SLC23A2: variants seen among roughly 807,000 people sequenced by gnomAD.
SLC23A2 encodes solute carrier family 23 member 2.
Under a neutral mutation model 73.3 loss-of-function variants are expected in SLC23A2, and 36 were observed. That is an observed-to-expected ratio of 0.49 (90% CI 0.38 to 0.65). SLC23A2 has a LOEUF of 0.65. SLC23A2 is among the 30% of genes least tolerant of loss of function. The pLI, the probability that SLC23A2 is intolerant of heterozygous loss-of-function variation, is 0.00. For missense variants in SLC23A2, 507 were observed against 841.6 expected (o/e 0.60, Z 4.92); for synonymous variants, 343 against 327.3 (o/e 1.05, Z -0.52).
intron 6 of SLC23A2, among the ~76,000 whole-genome samples, chr20:4,887,901 A>C (rs1437577380): frequency 6.6e-6 from 1 of 152,236 alleles, no homozygotes; most frequent in African/African-American, 2.4e-5. Context: ...ACGTTAAACG[A>C]GAGCTTCCCT....
intron 6 of SLC23A2, among the ~76,000 whole-genome samples, chr20:4,895,127 G>T (rs1163114658): frequency 6.6e-6 from 1 of 152,228 alleles, no homozygotes; most frequent in Non-Finnish European, 1.5e-5. Context: ...CTTCGGAGCT[G>T]GAGAAGTCTG....
Position 4,998,062 on chromosome 20 carries a change from C to T in SLC23A2, c.-282+3344G>A, listed in dbSNP as rs1025596800. 3.9e-5 allele frequency among the ~76,000 whole-genome samples: 6 copies of T among 152,156 alleles called. No individual in the cohort carries two copies. The highest frequency in any genetic ancestry group is 2.1e-4 in the South Asian group (1 of 4,822). On this transcript the variant is annotated intron_variant, in intron 1 of 16. Transcript: ENST00000338244. This position sits in a 1 kb window ranked among gnomAD's most constrained non-coding sequence, Gnocchi z 4.1. ...GGACTTCCCAGACTCCAGAATTATA[C>T]GAAACAAATTTCCGTTGTTTAAGCC...
At chr20:4,933,134 A>G (rs972832827) in intron 2 of SLC23A2, among the ~76,000 whole-genome samples, 2 of 152,208 alleles carry the variant, frequency 1.3e-5, no homozygotes, top group African/African-American at 2.4e-5. Flanking sequence ...GCAAATGAGT[A>G]ACTGAATTTT....
intron 1 of SLC23A2, among the ~76,000 whole-genome samples, chr20:4,972,581 TTTG>T (rs936927470): frequency 9.2e-5 from 14 of 152,048 alleles, no homozygotes; most frequent in South Asian, 6.2e-4. Context: ...TTGGGGTTTT[TTTG>T]TTGTTGTTGT....
intron 1 of SLC23A2, among the ~76,000 whole-genome samples, chr20:4,990,781 A>G (rs1022551504): frequency 1.1e-4 from 16 of 151,348 alleles, no homozygotes; most frequent in Non-Finnish European, 1.8e-4. Flanking sequence ...TCAAGAGTTC[A>G]AGACCAGCCT....
At chr20:4,919,076 T>C (rs746198201) in intron 3 of SLC23A2, among the ~76,000 whole-genome samples, 4 of 152,204 alleles carry the variant, frequency 2.6e-5, no homozygotes, top group African/African-American at 9.6e-5. Flanking sequence ...CTTTCAATAT[T>C]ATTAGAAATT....
intron 4 of SLC23A2, among the ~76,000 whole-genome samples, chr20:4,907,276 T>C (rs570704805): frequency 1.3e-5 from 2 of 151,980 alleles, no homozygotes; most frequent in Non-Finnish European, 2.9e-5. Context: ...AAAGACAAGA[T>C]AGTGACATCT....
At chr20:4,916,552 T>TA (rs1448527136) in intron 3 of SLC23A2, among the ~76,000 whole-genome samples, 5 of 152,128 alleles carry the variant, frequency 3.3e-5, no homozygotes, top group East Asian at 3.9e-4. Context: ...CTCGATACAT[T>TA]AAAAAAAATC....
In SLC23A2 at chr20:4,884,707, A is replaced by G. The variant is rs1211307987; in HGVS notation, c.642+46T>C. ...CTTGGGTCAACCAACATTGAAGCTG[A>G]GAAGAAACATGAAGAAGCCAAAAGC... On this transcript the variant is annotated intron_variant, in intron 8 of 16. Coordinates refer to ENST00000338244, the MANE Select transcript of SLC23A2 (RefSeq NM_005116.6). 6 of 1,336,792 alleles carry G rather than the reference A, an allele frequency of 4.5e-6. No homozygotes were observed. The Admixed American group carries it at 1.0e-4, about 22-fold the overall frequency. The allele number at this position is 1,336,792 out of a possible 1,614,324, so 82.8% of individuals were successfully genotyped here.
At chr20:4,908,792 G>A (rs1212026478) in intron 4 of SLC23A2, among the ~76,000 whole-genome samples, 3 of 152,204 alleles carry the variant, frequency 2.0e-5, no homozygotes, top group African/African-American at 7.2e-5. Context: ...GCCAGGTGTG[G>A]TGGTGCACGC....
intron 7 of SLC23A2, among the ~76,000 whole-genome samples, 199 bp from the exon 8 acceptor site, chr20:4,885,022 A>G (rs1931041303): frequency 6.6e-6 from 1 of 152,234 alleles, no homozygotes; most frequent in Admixed American, 6.5e-5. Flanking sequence ...AAATGAATTC[A>G]TCGACTAAGA....
chr20:4,962,762 G>T (rs919239316), intron 2 of SLC23A2, among the ~76,000 whole-genome samples: 37 of 105,556 alleles, frequency 3.5e-4, no homozygotes, highest in African/African-American at 1.2e-3. Flanking sequence ...ACTTTGGGAG[G>T]TCGAGGCAAT....
intron 1 of SLC23A2, among the ~76,000 whole-genome samples, chr20:4,987,111 C>T (rs1272396051): frequency 2.0e-5 from 3 of 152,116 alleles, no homozygotes; most frequent in Non-Finnish European, 4.4e-5. Flanking sequence ...CCCAAACTCA[C>T]ACTAGGGGTC....
At chr20:4,972,393 T>C (rs1242830328) in intron 1 of SLC23A2, among the ~76,000 whole-genome samples, 1 of 151,608 alleles carries the variant, frequency 6.6e-6, no homozygotes, top group Admixed American at 6.6e-5. Flanking sequence ...ACTGGTCTTG[T>C]GCTATTTGGG....
At chr20:4,926,794 T>C (rs1306624051) in intron 3 of SLC23A2, among the ~76,000 whole-genome samples, 1 of 152,112 alleles carries the variant, frequency 6.6e-6, no homozygotes, top group Non-Finnish European at 1.5e-5. Flanking sequence ...GTAAAATGTT[T>C]GTGTGGGTGT....
At chr20:4,955,614 C>T (rs548846742) in intron 2 of SLC23A2, among the ~76,000 whole-genome samples, 11 of 151,954 alleles carry the variant, frequency 7.2e-5, no homozygotes, top group African/African-American at 2.7e-4. Flanking sequence ...CATAGTGAAG[C>T]CCTGTCTCTA....
At chr20:4,867,057 T>TAA (rs71197732) in intron 13 of SLC23A2, among the ~76,000 whole-genome samples, 12,698 of 76,416 alleles carry the variant, frequency 0.17, 1,901 homozygotes, top group African/African-American at 0.36. Flanking sequence ...AAGCGATCCC[T>TAA]AAAAAAAAAA....
chr20:4,908,613 T>A (rs1932037000), intron 4 of SLC23A2, among the ~76,000 whole-genome samples: 1 of 152,256 alleles, frequency 6.6e-6, no homozygotes, highest in Non-Finnish European at 1.5e-5. Context: ...TGACTAATAA[T>A]TTAATTCATC....
chr20:5,006,972 T>C (rs569718587), intron 1 of SLC23A2, among the ~76,000 whole-genome samples: 92 of 151,338 alleles, frequency 6.1e-4, no homozygotes, highest in Admixed American at 1.7e-3. Flanking sequence ...TGTGTGTGTG[T>C]GTGTGCGTGC....
Sources: allele counts gnomAD v4.1 joint callset (sites outside exome capture counted in the v4.1 genomes callset), GRCh38; gene constraint gnomAD v4.1.1; non-coding constraint Gnocchi (gnomAD v3.1); transcripts MANE v1.5; gene names NCBI Gene and HGNC (gene_info 2026-07-23, HGNC 2026-07-21).